CNBD1: variants seen among roughly 807,000 people sequenced by gnomAD.
CNBD1 encodes cyclic nucleotide binding domain containing 1, also known as cyclic nucleotide-binding domain-containing protein 1.
Under a neutral mutation model 54.4 loss-of-function variants are expected in CNBD1, and 71 were observed. The observed-to-expected ratio is 1.30, with a 90% CI of 1.08 to 1.59. CNBD1 has a LOEUF of 1.59. Among genes scored for constraint, CNBD1 ranks in the 40% most tolerant of loss-of-function variants. The pLI, the probability that CNBD1 is intolerant of heterozygous loss-of-function variation, is 0.00. For missense variants in CNBD1, 659 were observed against 518.0 expected, an observed-to-expected ratio of 1.27 and a Z score of -2.64; for synonymous variants, 182 against 170.7, an observed-to-expected ratio of 1.07 and a Z score of -0.51.
At chr8:87,027,416 C>T (rs1809673088) in intron 4 of CNBD1, among the ~76,000 whole-genome samples, 1 of 152,046 alleles carries the variant, frequency 6.6e-6, no homozygotes, top group Non-Finnish European at 1.5e-5. Flanking sequence ...GAACTACAGG[C>T]CTGCACCACC....
At chr8:87,293,277 G>A (rs1808818539) in intron 8 of CNBD1, among the ~76,000 whole-genome samples, 1 of 152,102 alleles carries the variant, frequency 6.6e-6, no homozygotes, top group African/African-American at 2.4e-5. Context: ...GGACACAGTG[G>A]CTCACACCCA....
chr8:87,082,260 G>T (rs555948785), intron 4 of CNBD1, among the ~76,000 whole-genome samples: 2 of 151,840 alleles, frequency 1.3e-5, no homozygotes, highest in Admixed American at 6.6e-5. Flanking sequence ...ACCCCTGCCC[G>T]CAAGAGATAA....
At chr8:86,883,717 T>A (rs928932847) in intron 1 of CNBD1, among the ~76,000 whole-genome samples, 3 of 152,012 alleles carry the variant, frequency 2.0e-5, no homozygotes, top group Non-Finnish European at 4.4e-5. Flanking sequence ...ATGAAAAAAA[T>A]TTCAAAAAAT....
intron 4 of CNBD1, among the ~76,000 whole-genome samples, chr8:86,960,503 A>G (rs1157399675): frequency 3.3e-5 from 5 of 152,090 alleles, no homozygotes; most frequent in African/African-American, 7.2e-5. Flanking sequence ...AACTGGGTGG[A>G]GCCCACCTCA....
At chr8:86,926,394 G>A (rs1337130647) in intron 3 of CNBD1, among the ~76,000 whole-genome samples, 1 of 152,132 alleles carries the variant, frequency 6.6e-6, no homozygotes, top group Non-Finnish European at 1.5e-5. Context: ...GAGCTCATTT[G>A]GGGTTCCAGT....
intron 2 of CNBD1, among the ~76,000 whole-genome samples, chr8:87,424,090 G>A (rs1407607144): frequency 1.3e-5 from 2 of 152,112 alleles, no homozygotes; most frequent in African/African-American, 4.8e-5. Flanking sequence ...TTCTCTGATG[G>A]TAGTTTGTAT....
chr8:87,342,431 A>G (rs1255001318), intron 8 of CNBD1, among the ~76,000 whole-genome samples: 1 of 152,210 alleles, frequency 6.6e-6, no homozygotes, highest in Non-Finnish European at 1.5e-5. Flanking sequence ...CAGTTACTAC[A>G]TTATGAATCA....
intron 4 of CNBD1, among the ~76,000 whole-genome samples, chr8:86,995,374 T>A (rs1432494656): frequency 6.6e-6 from 1 of 152,082 alleles, no homozygotes; most frequent in African/African-American, 2.4e-5. Flanking sequence ...ACATGGTAAA[T>A]CAACAAGTGA....
At chr8:87,391,106 G>A (rs1364653909) in intron 2 of CNBD1, among the ~76,000 whole-genome samples, 2 of 151,960 alleles carry the variant, frequency 1.3e-5, no homozygotes, top group Non-Finnish European at 2.9e-5. Context: ...TGGGGGAAGG[G>A]GGGAGGGATA....
chr8:87,084,974 G>A (rs990158679), intron 4 of CNBD1, among the ~76,000 whole-genome samples: 13 of 152,034 alleles, frequency 8.6e-5, no homozygotes, highest in African/African-American at 2.4e-4. Flanking sequence ...ACGCCCAGCC[G>A]TATTTAGTTT....
intron 4 of CNBD1, among the ~76,000 whole-genome samples, chr8:87,015,350 C>CT (rs1055775643): frequency 2.0e-5 from 3 of 151,690 alleles, no homozygotes; most frequent in Admixed American, 1.3e-4. Context: ...GCCCAGCTAA[C>CT]TTTTTTTTGT....
chr8:87,120,436 A>G (rs1324989328), intron 4 of CNBD1, among the ~76,000 whole-genome samples: 1 of 151,400 alleles, frequency 6.6e-6, no homozygotes, highest in African/African-American at 2.4e-5. Flanking sequence ...TTCCTTTCTG[A>G]TATTGTTTAT....
chr8:87,151,732 A>G (rs1812608723), intron 4 of CNBD1, among the ~76,000 whole-genome samples: 1 of 151,436 alleles, frequency 6.6e-6, no homozygotes, highest in Admixed American at 6.5e-5. Flanking sequence ...AACTGTCTTA[A>G]TTTAAGATAA....
intron 8 of CNBD1, among the ~76,000 whole-genome samples, chr8:87,321,494 T>C (rs1398937846): frequency 6.6e-6 from 1 of 152,210 alleles, no homozygotes; most frequent in East Asian, 1.9e-4. Flanking sequence ...TGGATGTCTT[T>C]GGAGAAATAT....
intron 8 of CNBD1, among the ~76,000 whole-genome samples, chr8:87,339,780 A>G (rs1452249877): frequency 6.6e-6 from 1 of 152,164 alleles, no homozygotes; most frequent in Non-Finnish European, 1.5e-5. Context: ...GTGCAATTAC[A>G]TACAATGAGT....
At chr8:87,306,660 G>A (rs907041757) in intron 8 of CNBD1, among the ~76,000 whole-genome samples, 3 of 152,008 alleles carry the variant, frequency 2.0e-5, no homozygotes, top group African/African-American at 7.2e-5. Context: ...GGTAACTCAG[G>A]ATGGAAAACC....
chr8:86,941,410 T>C (rs1428318691), intron 4 of CNBD1, among the ~76,000 whole-genome samples: 1 of 152,242 alleles, frequency 6.6e-6, no homozygotes, highest in Non-Finnish European at 1.5e-5. Context: ...ACTCTAATGT[T>C]GATTAATATT....
At chr8:87,128,636 G>C (rs1586275418) in intron 4 of CNBD1, among the ~76,000 whole-genome samples, 1 of 151,996 alleles carries the variant, frequency 6.6e-6, no homozygotes, top group East Asian at 1.9e-4. Context: ...TAATCGTATA[G>C]TCTCTATTCT....
At chr8:87,241,570 C>T (rs964333820) in intron 6 of CNBD1, among the ~76,000 whole-genome samples, 5 of 152,110 alleles carry the variant, frequency 3.3e-5, no homozygotes, top group Admixed American at 6.5e-5. Context: ...CTGCACCCCG[C>T]CCATGGAAGA....
Sources: allele counts gnomAD v4.1 joint callset (sites outside exome capture counted in the v4.1 genomes callset), GRCh38; gene constraint gnomAD v4.1.1; transcripts MANE v1.5; gene names NCBI Gene and HGNC (gene_info 2026-07-23, HGNC 2026-07-21).